ATRNL1: variants seen among roughly 807,000 people sequenced by gnomAD.
ATRNL1 encodes attractin-like protein 1.
A neutral mutation model predicts 182.7 loss-of-function variants in ATRNL1; 95 were observed. That is an observed-to-expected ratio of 0.52 (90% CI 0.44 to 0.62). ATRNL1 has a LOEUF of 0.62. Among genes scored for constraint, ATRNL1 ranks in the 20% least tolerant of loss-of-function variants. ATRNL1 has a pLI of 0.00. For synonymous variants in ATRNL1, 576 were observed against 568.3 expected (o/e 1.01, Z -0.19); for missense variants, 1,471 against 1,679.5 (o/e 0.88, Z 2.17).
At chr10:115,612,454 C>G (rs1483084247) in intron 26 of ATRNL1, among the ~76,000 whole-genome samples, 3 of 152,054 alleles carry the variant, frequency 2.0e-5, no homozygotes, top group South Asian at 4.1e-4. Flanking sequence ...AGATGCTAAT[C>G]CAGGATATGT....
At chr10:115,469,625 A>G (rs1848213020) in intron 24 of ATRNL1, among the ~76,000 whole-genome samples, 1 of 150,666 alleles carries the variant, frequency 6.6e-6, no homozygotes, top group Non-Finnish European at 1.5e-5. Context: ...ACTGAGGGTT[A>G]AATAAATACT....
intron 24 of ATRNL1, among the ~76,000 whole-genome samples, chr10:115,481,583 TGACACCA>T (rs1324126149): frequency 6.6e-6 from 1 of 150,880 alleles, no homozygotes; most frequent in African/African-American, 2.4e-5. Context: ...CTGGTCAATT[TGACACCA>T]GATCCCATTC....
chr10:115,208,811 G>A (rs1848905043), intron 8 of ATRNL1, among the ~76,000 whole-genome samples: 1 of 151,908 alleles, frequency 6.6e-6, no homozygotes, highest in Admixed American at 6.6e-5. Context: ...TTTTCTGTGT[G>A]TGCAAGCTGG....
At chr10:115,943,735 C>A (rs1448254308) in intron 28 of ATRNL1, among the ~76,000 whole-genome samples, 1 of 151,600 alleles carries the variant, frequency 6.6e-6, no homozygotes, top group Admixed American at 6.6e-5. Context: ...ATGTTTTTAA[C>A]AGCTTTATTC....
At chr10:115,370,689 G>A (rs913405741) in intron 19 of ATRNL1, among the ~76,000 whole-genome samples, 2 of 152,186 alleles carry the variant, frequency 1.3e-5, no homozygotes, top group South Asian at 4.1e-4. Flanking sequence ...TTTTAAAAGG[G>A]AAACAGCATA....
intron 24 of ATRNL1, among the ~76,000 whole-genome samples, chr10:115,511,632 T>C (rs1387683990): frequency 5.9e-5 from 9 of 151,922 alleles, no homozygotes; most frequent in Non-Finnish European, 1.2e-4. Context: ...ATTTTGACAT[T>C]TTGTAGTAAA....
intron 20 of ATRNL1, among the ~76,000 whole-genome samples, chr10:115,421,457 C>T (rs1845647795): frequency 6.6e-6 from 1 of 152,176 alleles, no homozygotes; most frequent in South Asian, 2.1e-4. Context: ...AGGATCATCT[C>T]AATAGATGCT....
In ATRNL1 at chr10:115,333,523, G is replaced by A. The variant is rs530517567; in HGVS notation, c.3038-759G>A. Among the ~76,000 whole-genome samples the A allele has an allele frequency of 1.5e-4, 18 of 123,106 alleles. 1 individual carries two copies. The South Asian group carries it at 4.5e-3, about 31-fold the overall frequency. 80.8% of individuals were successfully genotyped at this position (123,106 alleles called of 152,430 possible). On this transcript the variant is annotated intron_variant, in intron 18 of 28. Coordinates refer to ENST00000355044, the MANE Select transcript of ATRNL1 (RefSeq NM_207303.4). ...TTTTGAGACGGAGTCTTGCTCTGTT[G>A]CCCAGGCTGGAGTGCACTGGCACGA...
chr10:115,659,541 A>G (rs2133900352), intron 26 of ATRNL1, among the ~76,000 whole-genome samples: 1 of 152,136 alleles, frequency 6.6e-6, no homozygotes, highest in Non-Finnish European at 1.5e-5. Flanking sequence ...TATGCTATTT[A>G]ATGTTATTTA....
At chr10:115,562,842 G>T (rs1853838467) in intron 26 of ATRNL1, among the ~76,000 whole-genome samples, 1 of 152,248 alleles carries the variant, frequency 6.6e-6, no homozygotes. Context: ...CACAAATTGG[G>T]CTTAAGTTCA....
chr10:115,211,634 T>A (rs1554895010), intron 8 of ATRNL1, among the ~76,000 whole-genome samples: 2 of 152,018 alleles, frequency 1.3e-5, no homozygotes, highest in African/African-American at 4.8e-5. Context: ...TATTATACTT[T>A]AAATTTTAGA....
intron 10 of ATRNL1, among the ~76,000 whole-genome samples, chr10:115,251,354 A>C (rs1554905333): frequency 6.6e-6 from 1 of 152,132 alleles, no homozygotes; most frequent in Non-Finnish European, 1.5e-5. Context: ...CAAAGACCAA[A>C]TGTGGTAGGT....
In ATRNL1 at chr10:115,127,861, C is replaced by G. The variant is rs1360421406; in HGVS notation, c.620+140C>G. The G allele has an allele frequency of 1.3e-5, 7 of 525,738 alleles. No individual in the cohort carries two copies. In the Admixed American group the frequency reaches 2.3e-4, roughly 18 times the overall value. 32.6% of individuals were successfully genotyped at this position (525,738 alleles called of 1,614,324 possible). ...AAATTTCAAATTAGTAGGCAGGATC[C>G]CTTCTTAAGTGACATAAAATCTTAA... is the stretch of plus-strand genomic sequence containing the variant. On this transcript the variant is annotated intron_variant, in intron 4 of 28. Transcript: ENST00000355044.
At chr10:115,725,890 T>C (rs1253076337) in intron 26 of ATRNL1, among the ~76,000 whole-genome samples, 2 of 152,188 alleles carry the variant, frequency 1.3e-5, no homozygotes, top group Admixed American at 1.3e-4. Context: ...TTAAAGTGAA[T>C]AATTTGATAA....
intron 20 of ATRNL1, among the ~76,000 whole-genome samples, chr10:115,413,991 G>A (rs1420363224): frequency 6.6e-6 from 1 of 151,932 alleles, no homozygotes; most frequent in Non-Finnish European, 1.5e-5. Flanking sequence ...ATTTTAGAAA[G>A]CATTTCTTCA....
intron 22 of ATRNL1, among the ~76,000 whole-genome samples, chr10:115,463,980 A>T (rs1297644322): frequency 6.6e-6 from 1 of 152,036 alleles, no homozygotes; most frequent in African/African-American, 2.4e-5. Flanking sequence ...AGTGTCATAT[A>T]CTTATGTCCA....
intron 27 of ATRNL1, among the ~76,000 whole-genome samples, chr10:115,741,117 G>A (rs1225420404): frequency 1.3e-5 from 2 of 152,060 alleles, no homozygotes; most frequent in Admixed American, 6.6e-5. Context: ...TGGAAAATAT[G>A]TTATCTTTAC....
intron 26 of ATRNL1, among the ~76,000 whole-genome samples, chr10:115,691,999 C>A (rs1555048346): frequency 6.6e-6 from 1 of 152,076 alleles, no homozygotes; most frequent in African/African-American, 2.4e-5. Context: ...GGTTTTGTTG[C>A]CAGTGCTCTT....
At chr10:115,203,745 ATTTTTTT>A (rs71476116) in intron 8 of ATRNL1, among the ~76,000 whole-genome samples, 1 of 106,050 alleles carries the variant, frequency 9.4e-6, no homozygotes, top group Non-Finnish European at 1.8e-5. Flanking sequence ...ATGCCTGGCT[ATTTTTTT>A]TTTTTTTTTT....
Sources: gnomAD v4.1 joint callset for allele counts (sites outside exome capture counted in the v4.1 genomes callset) on GRCh38, gnomAD v4.1.1 for gene constraint, MANE v1.5 for transcripts, NCBI Gene and HGNC (gene_info 2026-07-23, HGNC 2026-07-21) for gene names.